The following ANKRD11 variants were observed in gnomAD, a reference collection of about 807,000 sequenced individuals.
The protein encoded by ANKRD11 is ankyrin repeat domain-containing protein 11.
Under a neutral mutation model 195.7 loss-of-function variants are expected in ANKRD11, and 17 were observed. That is an observed-to-expected ratio of 0.09 (90% CI 0.06 to 0.13). The LOEUF (loss-of-function observed/expected upper bound fraction) is 0.13. Among genes scored for constraint, ANKRD11 ranks in the 10% least tolerant of loss-of-function variants. The pLI, the probability that ANKRD11 is intolerant of heterozygous loss-of-function variation, is 1.00. For synonymous variants in ANKRD11, 1,953 were observed against 1,528.1 expected, an observed-to-expected ratio of 1.28 and a Z score of -6.49; for missense variants, 3,735 against 3,566.1, an observed-to-expected ratio of 1.05 and a Z score of -1.21.
At chr16:89,459,804 G>A (rs1222807759) in intron 1 of ANKRD11, among the ~76,000 whole-genome samples, 2 of 151,976 alleles carry the variant, frequency 1.3e-5, no homozygotes, top group African/African-American at 2.4e-5. Context: ...CATGGTGGTC[G>A]TGCCTGCAGT....
intron 2 of ANKRD11, among the ~76,000 whole-genome samples, chr16:89,398,534 C>T (rs562608912): frequency 1.3e-5 from 2 of 152,246 alleles, no homozygotes; most frequent in South Asian, 2.1e-4. Context: ...CTGGGCAACA[C>T]AGGGAGACCC....
intron 2 of ANKRD11, among the ~76,000 whole-genome samples, chr16:89,325,594 T>G (rs143747285): frequency 0.011 from 1,690 of 152,250 alleles, 34 homozygotes; most frequent in African/African-American, 0.039. Flanking sequence ...TGACAAGACA[T>G]CCGCGAAGCG....
intron 1 of ANKRD11, among the ~76,000 whole-genome samples, chr16:89,477,174 T>A (rs1035728944): frequency 4.6e-5 from 7 of 151,280 alleles, no homozygotes; most frequent in African/African-American, 1.7e-4. Flanking sequence ...ATAAAAGCCA[T>A]CACCTTTAAG....
At chr16:89,488,498 T>C (rs1210309889) in intron 1 of ANKRD11, among the ~76,000 whole-genome samples, 3 of 148,894 alleles carry the variant, frequency 2.0e-5, no homozygotes, top group African/African-American at 7.4e-5. Flanking sequence ...AGAGGACTTC[T>C]GTAATCATTC....
chr16:89,268,487 C>G lies in ANKRD11; in HGVS notation c.7983G>C (p.Leu2661Phe). The G allele has an allele frequency of 7.6e-7, 1 of 1,321,950 alleles. No individual in the cohort carries two copies. Among genetic ancestry groups the G allele is most frequent in the Non-Finnish European group, 1.1e-6 (1 of 951,766 alleles). The allele number at this position is 1,321,950 out of a possible 1,614,324, so 81.9% of individuals were successfully genotyped here. The change falls in exon 13 of 13, where the codon TTG (leucine) becomes TTC (phenylalanine). Residue 2661 changes from leucine to phenylalanine, a missense_variant. Coordinates refer to ENST00000301030, the MANE Select transcript of ANKRD11 (RefSeq NM_013275.6). ...MVDVNDDFVL[L>F]PA The stretch of plus-strand genomic sequence containing the variant: ...CGGCCGTCCCGCGGTGTCATGCCGG[C>G]AACAATACAAAGTCGTCGTTGACGT...
chr16:89,278,558 G>A (rs1273645286), intron 9 of ANKRD11: 4 of 457,066 alleles, frequency 8.8e-6, no homozygotes, highest in Admixed American at 4.7e-5. Flanking sequence ...GAGGCTGGGG[G>A]CCGAGGACCA....
At chr16:89,437,179 T>C (rs1048798032) in intron 1 of ANKRD11, among the ~76,000 whole-genome samples, 5 of 152,126 alleles carry the variant, frequency 3.3e-5, no homozygotes, top group African/African-American at 1.2e-4. Flanking sequence ...GCACACACCT[T>C]CTAACCTGGA....
At chr16:89,405,006 T>C (rs2041848814) in intron 2 of ANKRD11, among the ~76,000 whole-genome samples, 1 of 152,048 alleles carries the variant, frequency 6.6e-6, no homozygotes, top group East Asian at 1.9e-4. Flanking sequence ...AAAAGAAACA[T>C]CTAAAAACTT....
chr16:89,478,630 C>T (rs2057339885), intron 1 of ANKRD11, among the ~76,000 whole-genome samples: 1 of 152,218 alleles, frequency 6.6e-6, no homozygotes, highest in South Asian at 2.1e-4. Flanking sequence ...AGCGAAGCTG[C>T]CTGTACAGGC....
In ANKRD11 at chr16:89,305,281, C is replaced by A. The variant is rs760057373; in HGVS notation, c.151G>T (p.Val51Leu). ...TTCCGCTTGCTGGCTCGCTCCCTCA[C>A]CTCCTTCCCGCCATCGCCACGCTCC... ...KLERGDGGKE[V>L]RERASKRKLP... The change falls in exon 4 of 13, where the codon GTG becomes TTG. Residue 51 changes from valine (V) to leucine (L), a missense_variant. Val to Leu is a conservative substitution (Grantham distance 32). Transcript: ENST00000301030. 1.2e-6 allele frequency: 2 copies of A among 1,613,864 alleles called. No individual in the cohort carries two copies. Among genetic ancestry groups the A allele is most frequent in the African/African-American group, 2.7e-5 (2 of 74,922 alleles).
intron 4 of ANKRD11, among the ~76,000 whole-genome samples, chr16:89,292,861 C>T (rs1425749380): frequency 1.3e-5 from 2 of 152,240 alleles, no homozygotes; most frequent in African/African-American, 2.4e-5. Flanking sequence ...TCTCTGCGTG[C>T]GCCCCATGCT....
At chr16:89,428,256 T>A (rs1048669352) in intron 1 of ANKRD11, among the ~76,000 whole-genome samples, 1 of 149,862 alleles carries the variant, frequency 6.7e-6, no homozygotes, top group African/African-American at 2.5e-5. Context: ...CCGGGCACGG[T>A]GGTTCACGCC....
rs775364726 is a variant in ANKRD11 at position 89,280,098 on chromosome 16, G to A, written c.6444C>T (p.Ala2148=). 10 of 1,613,088 alleles carry A rather than the reference G, an allele frequency of 6.2e-6. No homozygotes were observed. The highest frequency in any genetic ancestry group is 3.3e-5 in the Admixed American group (2 of 60,022). ...LPELPLQTKD[A]ADGEAEPVEE... ...CCACGGGTTCCGCTTCACCATCTGCGGCATCTTTAGTCTGCAGGGGAAGCT... is the reference window on the plus strand; with the variant it reads ...CCACGGGTTCCGCTTCACCATCTGCAGCATCTTTAGTCTGCAGGGGAAGCT... The change falls in exon 9 of 13, where the codon GCC becomes GCT. Residue 2148 remains alanine (A), a synonymous_variant. Transcript: ENST00000301030.
chr16:89,463,300 T>A (rs966840411), intron 1 of ANKRD11, among the ~76,000 whole-genome samples: 2 of 152,202 alleles, frequency 1.3e-5, no homozygotes, highest in African/African-American at 4.8e-5. Context: ...GAAGTAGACA[T>A]GGGAGACTTT....
Position 89,275,201 on chromosome 16 carries a change from A to G in ANKRD11, c.7471-10T>C. The G allele has an allele frequency of 1.2e-6, 2 of 1,600,738 alleles. No homozygotes were observed. Among genetic ancestry groups the G allele is most frequent in the Non-Finnish European group, 1.7e-6 (2 of 1,174,096 alleles). On this transcript the variant is annotated splice_polypyrimidine_tract_variant and intron_variant, in intron 9 of 12. Coordinates refer to ENST00000301030, the MANE Select transcript of ANKRD11 (RefSeq NM_013275.6). ...AGGGAGGGGGTGCGATCTACAGGCAAAAGGTGAGTGTGGGGGGTCAGCTGG... is the reference window on the plus strand; with the variant it reads ...AGGGAGGGGGTGCGATCTACAGGCAGAAGGTGAGTGTGGGGGGTCAGCTGG...
chr16:89,360,777 G>A (rs1033318886), intron 2 of ANKRD11: 14 of 152,204 alleles, frequency 9.2e-5, no homozygotes, highest in African/African-American at 2.9e-4. Flanking sequence ...AAAAGATTTC[G>A]ATTCACTAAA....
chr16:89,431,019 G>T (rs2042955706), intron 1 of ANKRD11, among the ~76,000 whole-genome samples: 1 of 152,054 alleles, frequency 6.6e-6, no homozygotes, highest in African/African-American at 2.4e-5. Context: ...CTCTTCCTAA[G>T]ACCAAGGCGC....
rs1394383095 is a variant in ANKRD11 at position 89,279,838 on chromosome 16, G to A, written c.6704C>T (p.Pro2235Leu). 14 of 1,548,102 alleles carry A rather than the reference G, an allele frequency of 9.0e-6. No individual in the cohort carries two copies. The highest frequency in any genetic ancestry group is 2.0e-5 in the Admixed American group (1 of 51,278). ...GGGCGCGGGCTCCACGCTGGAGTCCGGATCCCCACGGGCCCTCTCTTCCGG... is the reference window on the plus strand; with the variant it reads ...GGGCGCGGGCTCCACGCTGGAGTCCAGATCCCCACGGGCCCTCTCTTCCGG... The part of the protein sequence containing the change: ...TVPEERARGD[P>L]DSSVEPAPVP... The change falls in exon 9 of 13, where the codon CCG becomes CTG. Residue 2235 changes from proline to leucine, a missense_variant. By Grantham distance (98) the Pro-to-Leu change is moderately conservative. Transcript: ENST00000301030. The surrounding 1 kb of genome is among the most constrained non-coding windows in gnomAD (Gnocchi z 5.6).
chr16:89,436,837 G>A (rs375964788), intron 1 of ANKRD11, among the ~76,000 whole-genome samples: 1 of 152,202 alleles, frequency 6.6e-6, no homozygotes, highest in Non-Finnish European at 1.5e-5. Context: ...CCTGAAGGTT[G>A]GACAATGGTA....
Sources: allele counts gnomAD v4.1 joint callset (sites outside exome capture counted in the v4.1 genomes callset), GRCh38; gene constraint gnomAD v4.1.1; non-coding constraint Gnocchi (gnomAD v3.1); transcripts MANE v1.5; gene names NCBI Gene and HGNC (gene_info 2026-07-23, HGNC 2026-07-21).